The following NBEA variants were observed in gnomAD, a reference collection of about 807,000 sequenced individuals.
The protein encoded by NBEA is neurobeachin.
A neutral mutation model predicts 343.4 loss-of-function variants in NBEA; 44 were observed. That is an observed-to-expected ratio of 0.13 (90% CI 0.10 to 0.16). The LOEUF is 0.16. Among genes scored for constraint, NBEA ranks in the 10% least tolerant of loss-of-function variants. The pLI is 1.00. For missense variants in NBEA, 2,555 were observed against 3,631.3 expected, an observed-to-expected ratio of 0.70 and a Z score of 7.62; for synonymous variants, 1,175 against 1,238.7, an observed-to-expected ratio of 0.95 and a Z score of 1.08.
chr13:35,166,034 T>C (rs1361184701), intron 24 of NBEA, among the ~76,000 whole-genome samples: 1 of 152,140 alleles, frequency 6.6e-6, no homozygotes, highest in Admixed American at 6.6e-5. Context: ...CAATATTTTC[T>C]TTGTGACATT....
In NBEA at chr13:34,942,640, CGCGGGGGAGAGCGCCGGA is replaced by C. The variant is rs1044789006; in HGVS notation, c.-175_-158del. On this transcript the variant is annotated 5_prime_UTR_variant, in exon 1 of 59. Transcript: ENST00000379939. ...AAGCCTGCGGATCCCCCGCCGCCTC[CGCGGGGGAGAGCGCCGGA>C]GCGGGCCGGGCTGAGGCGCAGGCGG... 5.6e-6 allele frequency: 2 copies of C among 356,026 alleles called. No individual in the cohort carries two copies. Among genetic ancestry groups the C allele is most frequent in the Non-Finnish European group, 9.8e-6 (2 of 204,262 alleles). 22.1% of individuals were successfully genotyped at this position (356,026 alleles called of 1,614,324 possible). A position where few individuals can be genotyped will look rare whatever the true frequency, so the allele number is the denominator to read the frequency against.
intron 55 of NBEA, among the ~76,000 whole-genome samples, chr13:35,657,751 G>A (rs1038591285): frequency 2.6e-5 from 4 of 152,146 alleles, no homozygotes; most frequent in Admixed American, 6.5e-5. Flanking sequence ...ATTAGAACTT[G>A]TTAGAAAAAA....
At chr13:35,199,608 A>G (rs911823720) in intron 31 of NBEA, among the ~76,000 whole-genome samples, 3 of 152,064 alleles carry the variant, frequency 2.0e-5, no homozygotes, top group Non-Finnish European at 2.9e-5. Flanking sequence ...CCTTATACTT[A>G]TCCTGGATTT....
At chr13:35,624,016 A>G (rs1186495381) in intron 48 of NBEA, among the ~76,000 whole-genome samples, 2 of 150,016 alleles carry the variant, frequency 1.3e-5, no homozygotes, top group Admixed American at 1.3e-4. Context: ...ATTCTTATCA[A>G]TGTTATTAAA....
chr13:35,551,936 T>C (rs937740767), intron 43 of NBEA, among the ~76,000 whole-genome samples: 1 of 152,196 alleles, frequency 6.6e-6, no homozygotes, highest in East Asian at 1.9e-4. Flanking sequence ...ACCTTCCCAT[T>C]CCTAAAACAA....
chr13:34,996,779 G>A (rs1046024592), intron 1 of NBEA, among the ~76,000 whole-genome samples: 1 of 152,116 alleles, frequency 6.6e-6, no homozygotes, highest in African/African-American at 2.4e-5. Context: ...GCGTGTGTGT[G>A]TATGTTTTGA....
At chr13:35,057,517 T>C (rs1486616987) in intron 7 of NBEA, among the ~76,000 whole-genome samples, 1 of 152,164 alleles carries the variant, frequency 6.6e-6, no homozygotes, top group African/African-American at 2.4e-5. Flanking sequence ...GTTTAAAATA[T>C]CTTCTGTCTG....
At chr13:35,142,196 T>G (rs1050266530) in intron 17 of NBEA, 73 bp from the exon 18 acceptor site, 8 of 879,874 alleles carry the variant, frequency 9.1e-6, no homozygotes, top group Non-Finnish European at 1.5e-5. Context: ...AATTGTTCTC[T>G]CTTATCTAAA....
At chr13:35,264,613 T>C (rs1311946810) in intron 34 of NBEA, among the ~76,000 whole-genome samples, 3 of 148,812 alleles carry the variant, frequency 2.0e-5, no homozygotes, top group Admixed American at 6.7e-5. Flanking sequence ...CAATAAATGG[T>C]GATACATCAC....
At chr13:35,189,450 A>G (rs2072007418) in intron 30 of NBEA, among the ~76,000 whole-genome samples, 1 of 152,080 alleles carries the variant, frequency 6.6e-6, no homozygotes, top group Admixed American at 6.6e-5. Context: ...TATCAGATAT[A>G]TAATTATATA....
chr13:35,241,555 T>C (rs928097764), intron 34 of NBEA, among the ~76,000 whole-genome samples: 1 of 151,798 alleles, frequency 6.6e-6, no homozygotes, highest in African/African-American at 2.4e-5. Context: ...AAAATCACCA[T>C]ATTAAAACTG....
intron 35 of NBEA, among the ~76,000 whole-genome samples, chr13:35,300,631 T>G (rs992539950): frequency 6.6e-6 from 1 of 152,204 alleles, no homozygotes; most frequent in African/African-American, 2.4e-5. Flanking sequence ...ATTGCTATCA[T>G]AAATTCTTAG....
chr13:35,563,455 T>C (rs2079977388), intron 44 of NBEA, among the ~76,000 whole-genome samples: 1 of 152,028 alleles, frequency 6.6e-6, no homozygotes, highest in African/African-American at 2.4e-5. Context: ...TTAAAACATA[T>C]CAATGCAAAA....
At chr13:35,564,514 G>A (rs553076855) in intron 44 of NBEA, among the ~76,000 whole-genome samples, 6 of 152,070 alleles carry the variant, frequency 3.9e-5, no homozygotes, top group African/African-American at 1.4e-4. Context: ...AGCCCTATCA[G>A]GTGTCCTAGG....
intron 34 of NBEA, among the ~76,000 whole-genome samples, chr13:35,270,840 A>G (rs2034078559): frequency 6.6e-6 from 1 of 152,192 alleles, no homozygotes. Flanking sequence ...ACAAAGCAGC[A>G]GGGAAGCTTG....
chr13:34,996,045 A>G (rs1412366359), intron 1 of NBEA, among the ~76,000 whole-genome samples: 1 of 152,176 alleles, frequency 6.6e-6, no homozygotes, highest in Non-Finnish European at 1.5e-5. Flanking sequence ...AAATTAAATG[A>G]CTTACCCAAG....
intron 1 of NBEA, among the ~76,000 whole-genome samples, chr13:34,994,652 A>G (rs1018542568): frequency 9.2e-5 from 14 of 152,300 alleles, no homozygotes; most frequent in Admixed American, 2.6e-4. Flanking sequence ...TGTATGAGCA[A>G]TAAAACTCAT....
intron 39 of NBEA, among the ~76,000 whole-genome samples, chr13:35,445,796 A>ATATATATATGTATATATATATATATATG (rs2045985933): frequency 2.4e-5 from 2 of 83,312 alleles, no homozygotes; most frequent in African/African-American, 1.1e-4. Context: ...ATATATATAT[A>ATATATATATGTATATATATATATATATG]TATATATATA....
intron 35 of NBEA, among the ~76,000 whole-genome samples, chr13:35,300,064 T>C (rs1212777250): frequency 6.6e-6 from 1 of 152,222 alleles, no homozygotes. Flanking sequence ...TATGTACTTT[T>C]CTTGTCACAA....
Sources: gnomAD v4.1 joint callset for allele counts (sites outside exome capture counted in the v4.1 genomes callset) on GRCh38, gnomAD v4.1.1 for gene constraint, MANE v1.5 for transcripts, NCBI Gene and HGNC (gene_info 2026-07-23, HGNC 2026-07-21) for gene names.